The following SLC22A23 variants were observed in gnomAD, a reference collection of about 807,000 sequenced individuals.
The protein encoded by SLC22A23 is solute carrier family 22 member 23.
A neutral mutation model predicts 61.0 loss-of-function variants in SLC22A23; 26 were observed. That is an observed-to-expected ratio of 0.43 (90% CI 0.31 to 0.59). SLC22A23 has a LOEUF of 0.59. SLC22A23 is among the 20% of genes least tolerant of loss of function. The pLI is 0.11. For missense variants in SLC22A23, 796 were observed against 934.7 expected (o/e 0.85, Z 1.94); for synonymous variants, 430 against 413.9 (o/e 1.04, Z -0.47).
intron 1 of SLC22A23, among the ~76,000 whole-genome samples, chr6:3,440,456 C>G (rs1771516925): frequency 6.6e-6 from 1 of 151,952 alleles, no homozygotes; most frequent in Admixed American, 6.6e-5. Context: ...GCCTGTAATC[C>G]CAGCACTTTG....
rs1357952104 is a variant in SLC22A23, at chr6:3,414,130, T to G, written c.758+1622A>C. ...TTTAAACTGTTACAGACTGGTTCAT[T>G]CATAAAAGTCGATTTTTACTTTTCT... On this transcript the variant is annotated intron_variant, in intron 2 of 9. Coordinates refer to ENST00000406686, the MANE Select transcript of SLC22A23 (RefSeq NM_015482.2). The surrounding 1 kb of genome is among the most constrained non-coding windows in gnomAD (Gnocchi z 5.1). Among the ~76,000 whole-genome samples the G allele has an allele frequency of 6.6e-6, 1 of 152,370 alleles. No homozygotes were observed. The highest frequency in any genetic ancestry group is 1.9e-4 in the East Asian group (1 of 5,194).
At chr6:3,306,839 G>A (rs776253575) in intron 4 of SLC22A23, among the ~76,000 whole-genome samples, 5 of 152,214 alleles carry the variant, frequency 3.3e-5, no homozygotes, top group Admixed American at 6.5e-5. Context: ...GGACAAGGAC[G>A]CTGTCTAGAG....
At chr6:3,402,817 C>G (rs1297617088) in intron 3 of SLC22A23, among the ~76,000 whole-genome samples, 1 of 152,214 alleles carries the variant, frequency 6.6e-6, no homozygotes, top group African/African-American at 2.4e-5. Flanking sequence ...GTCCTCAACA[C>G]TCAACAATGG....
At position 3,324,038 on chromosome 6, in the gene SLC22A23, C is replaced by T; in HGVS notation, c.914-36G>A. 1.2e-6 allele frequency: 2 copies of T among 1,602,518 alleles called. No individual in the cohort carries two copies. The highest frequency in any genetic ancestry group is 1.7e-6 in the Non-Finnish European group (2 of 1,171,112). On this transcript the variant is annotated intron_variant, in intron 3 of 9. Coordinates refer to ENST00000406686, the MANE Select transcript of SLC22A23 (RefSeq NM_015482.2). This position sits in a 1 kb window ranked among gnomAD's most constrained non-coding sequence, Gnocchi z 4.3. ...GAACCAATGAGAGAGAGATGAGTGC[C>T]CTGCTCGACAGCCCGAGAAGTCCTG...
chr6:3,337,236 G>C (rs1468752032), intron 3 of SLC22A23, among the ~76,000 whole-genome samples: 1 of 152,206 alleles, frequency 6.6e-6, no homozygotes, highest in Non-Finnish European at 1.5e-5. Flanking sequence ...GAGCCAGGAG[G>C]CCTGTTTGTT....
Position 3,273,190 on chromosome 6 carries a change from C to T in SLC22A23, c.1926G>A (p.Leu642=). The change falls in exon 10 of 10, where the codon CTG becomes CTA. Residue 642 remains leucine (L), a synonymous_variant. Coordinates refer to ENST00000406686, the MANE Select transcript of SLC22A23 (RefSeq NM_015482.2). The part of the protein sequence containing the change: ...NGEHYTRQPL[L]PHKKGEQPLL... ...GTGGCTGCTCCCCCTTCTTGTGCGG[C>T]AGCAGCGGCTGGCGCGTGTAGTGCT... is the stretch of plus-strand genomic sequence containing the variant. 6.2e-7 allele frequency: 1 copy of T among 1,613,206 alleles called. No homozygotes were observed. Among genetic ancestry groups the T allele is most frequent in the Non-Finnish European group, 8.5e-7 (1 of 1,179,798 alleles).
chr6:3,316,776 A>G (rs1417382551), intron 4 of SLC22A23, among the ~76,000 whole-genome samples: 1 of 152,188 alleles, frequency 6.6e-6, no homozygotes, highest in African/African-American at 2.4e-5. Flanking sequence ...TAGCTGGGAT[A>G]CAGACACGTG....
intron 1 of SLC22A23, chr6:3,439,434 G>T (rs2127548856): frequency 8.0e-6 from 3 of 374,028 alleles, no homozygotes; most frequent in South Asian, 6.1e-5. Context: ...CGTTCCACGT[G>T]AAGAAAAGGC....
In SLC22A23 at chr6:3,327,298, C is replaced by T. The variant is rs142579972; in HGVS notation, c.914-3296G>A. Among the ~76,000 whole-genome samples the T allele has an allele frequency of 6.8e-4, 104 of 152,296 alleles. No individual in the cohort carries two copies. Among genetic ancestry groups the T allele is most frequent in the African/African-American group, 1.9e-3 (81 of 41,552 alleles). ...CTCACAGGCAGGTGTCCACAGTGCCCGTGGAAGACCTTGGCTGGCAGCTGT... is the reference window on the plus strand; with the variant it reads ...CTCACAGGCAGGTGTCCACAGTGCCTGTGGAAGACCTTGGCTGGCAGCTGT... On this transcript the variant is annotated intron_variant, in intron 3 of 9. Coordinates refer to ENST00000406686, the MANE Select transcript of SLC22A23 (RefSeq NM_015482.2). This position sits in a 1 kb window ranked among gnomAD's most constrained non-coding sequence, Gnocchi z 4.1.
chr6:3,452,007 C>G (rs7758775), intron 1 of SLC22A23, among the ~76,000 whole-genome samples: 33 of 152,242 alleles, frequency 2.2e-4, no homozygotes, highest in African/African-American at 6.7e-4. Context: ...TTCCGTAAGT[C>G]ACACGAGATA....
intron 3 of SLC22A23, among the ~76,000 whole-genome samples, chr6:3,380,624 T>C (rs1046418661): frequency 6.6e-6 from 1 of 151,782 alleles, no homozygotes; most frequent in Middle Eastern, 3.4e-3. Context: ...TTCATGCTAG[T>C]ACTAACTCAC....
At chr6:3,298,994 A>AAAAAAG in intron 4 of SLC22A23, among the ~76,000 whole-genome samples, 1 of 151,732 alleles carries the variant, frequency 6.6e-6, no homozygotes, top group Non-Finnish European at 1.5e-5. Context: ...AAAAAAAAAA[A>AAAAAAG]AATGTTCCCA....
At chr6:3,274,400 TGGA>T (rs1456886511) in intron 9 of SLC22A23, among the ~76,000 whole-genome samples, 1 of 151,798 alleles carries the variant, frequency 6.6e-6, no homozygotes, top group Non-Finnish European at 1.5e-5. Flanking sequence ...GAAGAGGGAG[TGGA>T]GTTGTGTGCC....
At chr6:3,399,540 C>A (rs1768238764) in intron 3 of SLC22A23, among the ~76,000 whole-genome samples, 1 of 152,176 alleles carries the variant, frequency 6.6e-6, no homozygotes, top group African/African-American at 2.4e-5. Flanking sequence ...ACATGGCAAA[C>A]AACAGGGCCA....
At chr6:3,278,669 C>T (rs1000667252) in intron 9 of SLC22A23, among the ~76,000 whole-genome samples, 57 of 152,270 alleles carry the variant, frequency 3.7e-4, no homozygotes, top group Middle Eastern at 3.4e-3. Context: ...GAGACAACCA[C>T]GGAAATGAGC....
At chr6:3,448,473 G>T (rs1366456242) in intron 1 of SLC22A23, among the ~76,000 whole-genome samples, 1 of 149,692 alleles carries the variant, frequency 6.7e-6, no homozygotes. Context: ...GATTCAGAAA[G>T]TCCACCATGT....
Position 3,376,640 on chromosome 6 carries a change from G to A in SLC22A23, c.913+33548C>T, listed in dbSNP as rs552508515. Among the ~76,000 whole-genome samples the A allele has an allele frequency of 6.6e-5, 10 of 152,076 alleles. No individual in the cohort carries two copies. The South Asian group carries it at 1.9e-3, about 28-fold the overall frequency. ...CCCAGCATCAATCCTTACATCATTC[G>A]CTTATTTTACAAGCATTTCATTCAG... On this transcript the variant is annotated intron_variant, in intron 3 of 9. Coordinates refer to ENST00000406686, the MANE Select transcript of SLC22A23 (RefSeq NM_015482.2).
intron 1 of SLC22A23, among the ~76,000 whole-genome samples, chr6:3,448,155 G>A (rs375458888): frequency 1.4e-4 from 22 of 152,032 alleles, no homozygotes; most frequent in Non-Finnish European, 2.2e-4. Context: ...CACCTCCCTC[G>A]GCCTCCCGAA....
intron 3 of SLC22A23, among the ~76,000 whole-genome samples, chr6:3,385,964 G>A (rs1767275679): frequency 6.6e-6 from 1 of 152,154 alleles, no homozygotes; most frequent in East Asian, 1.9e-4. Flanking sequence ...AGCCTATTAG[G>A]CTGCCAAGAT....
Sources: gnomAD v4.1 joint callset for allele counts (sites outside exome capture counted in the v4.1 genomes callset) on GRCh38, gnomAD v4.1.1 for gene constraint, Gnocchi (gnomAD v3.1) non-coding constraint, MANE v1.5 for transcripts, NCBI Gene and HGNC (gene_info 2026-07-23, HGNC 2026-07-21) for gene names.